C4orf51: variants seen among roughly 807,000 people sequenced by gnomAD.
The protein encoded by C4orf51 is uncharacterized protein C4orf51.
A neutral mutation model predicts 25.2 loss-of-function variants in C4orf51; 25 were observed. The observed-to-expected ratio is 0.99, with a 90% CI of 0.72 to 1.39. The LOEUF (loss-of-function observed/expected upper bound fraction) is 1.39. Among genes scored for constraint, C4orf51 ranks in the 40% most tolerant of loss-of-function variants. C4orf51 has a pLI of 0.00. For synonymous variants in C4orf51, 100 were observed against 84.5 expected (o/e 1.18, Z -1.01); for missense variants, 252 against 239.6 (o/e 1.05, Z -0.34).
At chr4:145,694,721 T>C (rs751245535) in intron 1 of C4orf51, among the ~76,000 whole-genome samples, 4 of 150,476 alleles carry the variant, frequency 2.7e-5, no homozygotes, top group Admixed American at 6.6e-5. Context: ...CCGCCCCTAC[T>C]GGGAAGTGAG....
downstream of C4orf51, chr4:145,759,324 C>G (rs1734211898): frequency 6.6e-6 from 1 of 152,104 alleles, no homozygotes; most frequent in Admixed American, 6.5e-5. Flanking sequence ...TTAAGATTAG[C>G]AAAGAGCTTT....
chr4:145,752,707 C>A (rs1560869643), intron 1 of C4orf51, among the ~76,000 whole-genome samples: 1 of 152,184 alleles, frequency 6.6e-6, no homozygotes, highest in South Asian at 2.1e-4. Context: ...AAGTCCAGCA[C>A]AGCACTAAGA....
At chr4:145,704,004 A>T (rs1730634501) in intron 2 of C4orf51, among the ~76,000 whole-genome samples, 1 of 152,206 alleles carries the variant, frequency 6.6e-6, no homozygotes, top group Non-Finnish European at 1.5e-5. Flanking sequence ...CTTCCCAATG[A>T]GTTACGGAAA....
chr4:145,684,921 G>A (rs1298069541), intron 1 of C4orf51, among the ~76,000 whole-genome samples: 1 of 152,120 alleles, frequency 6.6e-6, no homozygotes, highest in South Asian at 2.1e-4. Flanking sequence ...TCTCAAATTT[G>A]TCTGCATCTA....
chr4:145,732,374 G>A, intron 5 of C4orf51, 79 bp from the exon 6 acceptor site: 4 of 826,342 alleles, frequency 4.8e-6, no homozygotes, highest in Middle Eastern at 2.2e-4. Context: ...GTTTGGAAGA[G>A]ACCATTTAAT....
intron 1 of C4orf51, among the ~76,000 whole-genome samples, chr4:145,684,936 CAT>C (rs1729053454): frequency 6.6e-6 from 1 of 152,042 alleles, no homozygotes; most frequent in East Asian, 1.9e-4. Flanking sequence ...CATCTAGTAA[CAT>C]AGTCTCTAAG....
rs1734705553 is a variant in C4orf51, at chr4:145,762,598, T to A, written n.167-8390T>A. On this transcript the variant is annotated intron_variant and non_coding_transcript_variant, in intron 1 of 1. Coordinates refer to the C4orf51 transcript ENST00000510096. The surrounding 1 kb of genome is among the most constrained non-coding windows in gnomAD (Gnocchi z 4.9). ...AGGGCGGATGCTGGTCCCAGCTCCATCACCTTGTCAGGCTGGAGCTGGACA... is the reference window on the plus strand; with the variant it reads ...AGGGCGGATGCTGGTCCCAGCTCCAACACCTTGTCAGGCTGGAGCTGGACA... Among the ~76,000 whole-genome samples, 1 of 152,120 alleles carries A rather than the reference T, an allele frequency of 6.6e-6. No homozygotes were observed. Among genetic ancestry groups the A allele is most frequent in the Non-Finnish European group, 1.5e-5 (1 of 68,008 alleles).
chr4:145,733,239 C>A (rs945711609), downstream of C4orf51, among the ~76,000 whole-genome samples: 2 of 152,204 alleles, frequency 1.3e-5, no homozygotes, highest in East Asian at 1.9e-4. Flanking sequence ...TCTTCCTCCA[C>A]GGCCCACCTC....
At chr4:145,716,452 C>T (rs995492794) in intron 2 of C4orf51, among the ~76,000 whole-genome samples, 4 of 152,318 alleles carry the variant, frequency 2.6e-5, no homozygotes, top group African/African-American at 9.6e-5. Context: ...GCAGCCACTT[C>T]CTAGCAACAA....
intron 1 of C4orf51, among the ~76,000 whole-genome samples, chr4:145,692,059 T>C (rs1729610725): frequency 6.6e-6 from 1 of 152,230 alleles, no homozygotes; most frequent in African/African-American, 2.4e-5. Flanking sequence ...ATTGTAGACC[T>C]AGCAATTCTA....
chr4:145,733,548 C>G (rs1732630087), downstream of C4orf51, among the ~76,000 whole-genome samples: 1 of 152,124 alleles, frequency 6.6e-6, no homozygotes, highest in Admixed American at 6.5e-5. Context: ...GCTCTCTGCT[C>G]CCCACACCCC....
chr4:145,735,144 C>T (rs375726917), downstream of C4orf51, among the ~76,000 whole-genome samples: 6 of 152,060 alleles, frequency 3.9e-5, no homozygotes, highest in African/African-American at 1.4e-4. Flanking sequence ...AGTTCCAGGT[C>T]GGGGATTGCC....
Position 145,732,621 on chromosome 4 carries a change from TA to T in C4orf51, c.*62del. The T allele has an allele frequency of 8.5e-7, 1 of 1,172,124 alleles. No individual in the cohort carries two copies. Among genetic ancestry groups the T allele is most frequent in the South Asian group, 1.4e-5 (1 of 71,388 alleles). The allele number at this position is 1,172,124 out of a possible 1,614,324, so 72.6% of individuals were successfully genotyped here. A position where few individuals can be genotyped will look rare whatever the true frequency, so the allele number is the denominator to read the frequency against. On this transcript the variant is annotated 3_prime_UTR_variant, in exon 6 of 6. Transcript: ENST00000438731. Reference sequence around the variant, plus strand: ...GTTTGCTTAATAAACAACTTTGAGGTATGGGGCCCTCCCAACACCCTCCCCC... The same window carrying T: ...GTTTGCTTAATAAACAACTTTGAGGTTGGGGCCCTCCCAACACCCTCCCCC...
downstream of C4orf51, among the ~76,000 whole-genome samples, chr4:145,756,426 C>G (rs1733959302): frequency 2.0e-5 from 3 of 152,168 alleles, no homozygotes; most frequent in Non-Finnish European, 4.4e-5. Context: ...ACCATGTTTT[C>G]CAGAGAAGTC....
At chr4:145,752,967 T>G (rs1733753384) in intron 1 of C4orf51, among the ~76,000 whole-genome samples, 1 of 148,870 alleles carries the variant, frequency 6.7e-6, no homozygotes, top group Admixed American at 6.6e-5. Flanking sequence ...GTGCTCTCAC[T>G]CCCCCAAGTA....
intron 2 of C4orf51, among the ~76,000 whole-genome samples, chr4:145,699,563 A>G (rs1013990184): frequency 2.1e-4 from 32 of 152,112 alleles, no homozygotes; most frequent in African/African-American, 6.5e-4. Context: ...CAAAGGAGAC[A>G]TGTTTTATCC....
intron 1 of C4orf51, among the ~76,000 whole-genome samples, chr4:145,685,315 T>C (rs1729081091): frequency 6.6e-6 from 1 of 152,176 alleles, no homozygotes; most frequent in Admixed American, 6.5e-5. Flanking sequence ...AATTTTCAAA[T>C]AATTCAAATA....
chr4:145,739,329 G>T (rs1056910698), intron 1 of C4orf51, among the ~76,000 whole-genome samples: 1 of 152,178 alleles, frequency 6.6e-6, no homozygotes, highest in Non-Finnish European at 1.5e-5. Flanking sequence ...TCCAGAATGC[G>T]AAGCTCTGCT....
downstream of C4orf51, among the ~76,000 whole-genome samples, chr4:145,734,779 C>T (rs1732711168): frequency 6.6e-6 from 1 of 152,188 alleles, no homozygotes; most frequent in Non-Finnish European, 1.5e-5. Context: ...GAGGTGGGTG[C>T]CACGGAGCAC....
Sources: gnomAD v4.1 joint callset for allele counts (sites outside exome capture counted in the v4.1 genomes callset) on GRCh38, gnomAD v4.1.1 for gene constraint, Gnocchi (gnomAD v3.1) non-coding constraint, MANE v1.5 for transcripts, NCBI Gene and HGNC (gene_info 2026-07-23, HGNC 2026-07-21) for gene names.